Variants in TTYH3 observed in about 807,000 individuals in gnomAD.
The protein encoded by TTYH3 is tweety family member 3, also known as protein tweety homolog 3.
In TTYH3, 23 loss-of-function variants were observed where a neutral mutation model predicts 68.2. The observed-to-expected ratio is 0.34, with a 90% CI of 0.24 to 0.48. The LOEUF is 0.48. Ranked by LOEUF, TTYH3 falls within the 20% of genes least tolerant of loss-of-function variation. The pLI is 0.99. For missense variants in TTYH3, 768 were observed against 727.7 expected (o/e 1.06, Z -0.64); for synonymous variants, 360 against 332.8 (o/e 1.08, Z -0.89).
chr7:2,644,343 C>T (rs1397020360), intron 1 of TTYH3, among the ~76,000 whole-genome samples: 1 of 152,192 alleles, frequency 6.6e-6, no homozygotes, highest in Non-Finnish European at 1.5e-5. Flanking sequence ...CGTGGCTTTT[C>T]CAAGCTCCCT....
At chr7:2,661,589 G>A (rs1583580073) in intron 13 of TTYH3, 79 bp from the exon 14 acceptor site, 1 of 1,418,686 alleles carries the variant, frequency 7.0e-7, no homozygotes, top group South Asian at 1.2e-5. Context: ...TCAGCCAAGT[G>A]AGGACCACGC....
chr7:2,656,366 C>T, intron 10 of TTYH3, 32 bp from the exon 11 acceptor site: 1 of 1,597,586 alleles, frequency 6.3e-7, no homozygotes, highest in Non-Finnish European at 8.5e-7. Flanking sequence ...CTCCCTGTCT[C>T]TGGATCCTGC....
At chr7:2,653,556 C>T (rs1786249039) in intron 9 of TTYH3, among the ~76,000 whole-genome samples, 1 of 152,018 alleles carries the variant, frequency 6.6e-6, no homozygotes, top group African/African-American at 2.4e-5. Context: ...TTCTACATTA[C>T]AATATGTTAA....
In TTYH3 at chr7:2,656,202, G is replaced by C; in HGVS notation, c.1113+18G>C. 6.4e-7 allele frequency: 1 copy of C among 1,560,734 alleles called. No homozygotes were observed. Among genetic ancestry groups the C allele is most frequent in the African/African-American group, 1.4e-5 (1 of 73,700 alleles). On this transcript the variant is annotated intron_variant, in intron 10 of 13. Transcript: ENST00000258796. ...TGCATCTGGTGAGAGGCAGGGCCTG[G>C]GACAGGGCCATGGCAGCTTGTAGGG...
intron 8 of TTYH3, 74 bp from the exon 9 acceptor site, chr7:2,652,844 G>C (rs117321865): frequency 0.02 from 26,020 of 1,280,700 alleles, 358 homozygotes; most frequent in Middle Eastern, 0.034. Flanking sequence ...GTGTCCCCGC[G>C]TTGGAGGGTC....
intron 11 of TTYH3, among the ~76,000 whole-genome samples, chr7:2,657,563 C>T (rs1258459296): frequency 6.6e-6 from 1 of 152,114 alleles, no homozygotes; most frequent in African/African-American, 2.4e-5. Flanking sequence ...GCCCTGGACC[C>T]ACAGGGCTAG....
chr7:2,646,629 G>A (rs1176631964), intron 1 of TTYH3, among the ~76,000 whole-genome samples: 1 of 152,210 alleles, frequency 6.6e-6, no homozygotes, highest in Non-Finnish European at 1.5e-5. Context: ...TGAGGATGGC[G>A]AGACCGGGGT....
chr7:2,647,538 G>C lies in TTYH3; in HGVS notation c.526G>C (p.Glu176Gln), dbSNP rs756556653. Residue 176 changes from glutamate to glutamine, a missense_variant, in exon 4 of 14, where the codon GAG becomes CAG. By Grantham distance (29) the Glu-to-Gln change is conservative. Coordinates refer to ENST00000258796, the MANE Select transcript of TTYH3 (RefSeq NM_025250.3). The part of the protein sequence containing the change: ...RAVQRLQGLL[E>Q]TLLGYTAAIP... ...CGTACAGAGGCTGCAGGGCCTGCTG[G>C]AGACGCTGCTGGGCTACACGGCCGC... 2 of 1,553,310 alleles carry C rather than the reference G, an allele frequency of 1.3e-6. No homozygotes were observed. Among genetic ancestry groups the C allele is most frequent in the East Asian group, 4.8e-5 (2 of 41,314 alleles).
intron 13 of TTYH3, among the ~76,000 whole-genome samples, chr7:2,659,710 C>G (rs895831666): frequency 6.6e-6 from 1 of 152,118 alleles, no homozygotes; most frequent in Non-Finnish European, 1.5e-5. Context: ...AAATCCCCAT[C>G]CCGGGGCCAC....
At chr7:2,661,218 C>T (rs985438346) in intron 13 of TTYH3, among the ~76,000 whole-genome samples, 2 of 152,198 alleles carry the variant, frequency 1.3e-5, no homozygotes, top group Non-Finnish European at 2.9e-5. Flanking sequence ...TAGGTGGACC[C>T]GGCCCTGAGC....
chr7:2,633,781 G>A (rs1035404342), intron 1 of TTYH3, among the ~76,000 whole-genome samples: 2 of 152,242 alleles, frequency 1.3e-5, no homozygotes, highest in African/African-American at 2.4e-5. Flanking sequence ...GGGCGTGGGG[G>A]GCGGCTGTTT....
chr7:2,652,923 G>T lies in TTYH3; in HGVS notation c.933G>T (p.Leu311=). The T allele has an allele frequency of 6.4e-7, 1 of 1,564,722 alleles. No individual in the cohort carries two copies. The highest frequency in any genetic ancestry group is 1.2e-5 in the South Asian group (1 of 85,090). ...PRAANPFQQK[L]SGSHKALVEM... ...TGGTCTCCTCTCTGGAGCAGAAGCT[G>T]TCGGGCAGCCACAAGGCACTGGTGG... Residue 311 remains leucine, a synonymous_variant, in exon 9 of 14, where the codon CTG becomes CTT. Transcript: ENST00000258796.
chr7:2,633,352 TC>T (rs920132861), intron 1 of TTYH3, among the ~76,000 whole-genome samples: 2 of 152,192 alleles, frequency 1.3e-5, no homozygotes, highest in Non-Finnish European at 2.9e-5. Context: ...GTCTGTGGCC[TC>T]CCGCATCCAG....
At position 2,656,087 on chromosome 7, in the gene TTYH3, C is replaced by T. The variant is rs764507920; in HGVS notation, c.1021-5C>T. On this transcript the variant is annotated splice_polypyrimidine_tract_variant and splice_region_variant and intron_variant, in intron 9 of 13. Coordinates refer to ENST00000258796, the MANE Select transcript of TTYH3 (RefSeq NM_025250.3). ...TGCTGACCATCTGCGGTGCGTGCCC[C>T]CCAGGACCCCCTCCTCCGCGTCCAG... The T allele has an allele frequency of 1.3e-6, 2 of 1,543,452 alleles. No individual in the cohort carries two copies. Among genetic ancestry groups the T allele is most frequent in the South Asian group, 1.2e-5 (1 of 83,822 alleles).
rs114826999 is a variant in TTYH3, at chr7:2,660,358, C to T, written c.1501-1310C>T. ...CCTCCCAGTGAGGAATCCATGCACC[C>T]AGACCCCTGTATGTGCCCGGGCCCC... On this transcript the variant is annotated intron_variant, in intron 13 of 13. Transcript: ENST00000258796. 3.9e-3 allele frequency: 3,886 copies of T among 985,422 alleles called. 111 individuals are homozygous for T. The African/African-American group carries it at 0.063, about 16-fold the overall frequency. The allele number at this position is 985,422 out of a possible 1,614,324, so 61.0% of individuals were successfully genotyped here.
intron 3 of TTYH3, 44 bp from the exon 4 acceptor site, chr7:2,647,374 G>A (rs1052515167): frequency 6.8e-7 from 1 of 1,463,106 alleles, no homozygotes; most frequent in Non-Finnish European, 9.0e-7. Context: ...ACTCTGGGGC[G>A]AGGCGGGCGC....
rs1786525907 is a variant in TTYH3 at position 2,662,609 on chromosome 7, CCTT to C, written c.*874_*876del. On this transcript the variant is annotated 3_prime_UTR_variant, in exon 14 of 14. Coordinates refer to ENST00000258796, the MANE Select transcript of TTYH3 (RefSeq NM_025250.3). ...GGACCGCTGGCACCCCCCTTCCCTC[CCTT>C]CTTGGTTCCATTTCCATCCATGACA... The C allele has an allele frequency of 6.5e-6, 1 of 153,188 alleles. No individual in the cohort carries two copies. Among genetic ancestry groups the C allele is most frequent in the South Asian group, 2.1e-4 (1 of 4,850 alleles). The allele number at this position is 153,188 out of a possible 1,614,324, so 9.5% of individuals were successfully genotyped here.
intron 11 of TTYH3, 128 bp downstream of exon 11, chr7:2,656,662 C>T (rs993343978): frequency 2.4e-5 from 28 of 1,176,956 alleles, no homozygotes; most frequent in African/African-American, 6.2e-5. Flanking sequence ...CTCCTCACCT[C>T]GTGACCCTCC....
chr7:2,648,350 C>T, intron 5 of TTYH3: 1 of 353,650 alleles, frequency 2.8e-6, no homozygotes, highest in Non-Finnish European at 5.1e-6. Context: ...TCTCCGAGTG[C>T]CTGGGGCCAC....
Sources: allele counts gnomAD v4.1 joint callset (sites outside exome capture counted in the v4.1 genomes callset), GRCh38; gene constraint gnomAD v4.1.1; transcripts MANE v1.5; gene names NCBI Gene and HGNC (gene_info 2026-07-23, HGNC 2026-07-21).